Variants in TAFA2 observed in about 807,000 individuals in gnomAD.
The protein encoded by TAFA2 is chemokine-like protein TAFA-2.
Under a neutral mutation model 18.8 loss-of-function variants are expected in TAFA2, and 7 were observed. The observed-to-expected ratio is 0.37, with a 90% CI of 0.21 to 0.70. The LOEUF (loss-of-function observed/expected upper bound fraction) is 0.70, where lower values mean the gene tolerates loss of function less well. Among genes scored for constraint, TAFA2 ranks in the 30% least tolerant of loss-of-function variants. The pLI is 0.53. For synonymous variants in TAFA2, 60 were observed against 54.2 expected (o/e 1.11, Z -0.47); for missense variants, 122 against 158.1 (o/e 0.77, Z 1.23).
chr12:62,106,893 TTTA>T (rs1020021032), intron 1 of TAFA2, among the ~76,000 whole-genome samples: 1 of 152,116 alleles, frequency 6.6e-6, no homozygotes, highest in African/African-American at 2.4e-5. Flanking sequence ...GTACCTTTTT[TTTA>T]TTATTATTTC....
At chr12:62,195,088 C>T (rs995180139), upstream of TAFA2, among the ~76,000 whole-genome samples, 3 of 152,084 alleles carry the variant, frequency 2.0e-5, no homozygotes, top group African/African-American at 2.4e-5. Flanking sequence ...ATTGCTGTGG[C>T]GATTTCTTAA....
chr12:61,877,283 A>T, intron 1 of TAFA2, among the ~76,000 whole-genome samples: 1 of 152,092 alleles, frequency 6.6e-6, no homozygotes. Context: ...CATAATACAC[A>T]CTACTCTAAC....
Position 61,922,887 on chromosome 12 carries a change from C to T in TAFA2, c.-1-55461G>A, listed in dbSNP as rs1592488844. ...GCCAACACAGCAATCTGAAGTCAAC[C>T]TGGGACGCTCGAGCTTGGTGGGGAG... On this transcript the variant is annotated intron_variant, in intron 1 of 4. Coordinates refer to ENST00000416284, the MANE Select transcript of TAFA2 (RefSeq NM_178539.5). Among the ~76,000 whole-genome samples the T allele has an allele frequency of 3.9e-5, 6 of 152,264 alleles. 1 individual carries two copies. In the Middle Eastern group the frequency reaches 0.017, roughly 432 times the overall value.
At chr12:61,795,128 G>A (rs962053443) in intron 2 of TAFA2, among the ~76,000 whole-genome samples, 71 of 152,264 alleles carry the variant, frequency 4.7e-4, no homozygotes, top group Middle Eastern at 6.8e-3. Flanking sequence ...TTACACTGTT[G>A]GTGGGACTGT....
intron 1 of TAFA2, among the ~76,000 whole-genome samples, chr12:61,892,040 C>T (rs148138317): frequency 1.7e-4 from 26 of 150,698 alleles, no homozygotes; most frequent in African/African-American, 3.4e-4. Context: ...CTAGGATGCT[C>T]GGGCCACAGT....
chr12:61,978,230 CAA>C (rs1358695444), intron 1 of TAFA2, among the ~76,000 whole-genome samples: 1 of 151,838 alleles, frequency 6.6e-6, no homozygotes, highest in African/African-American at 2.4e-5. Flanking sequence ...GTAATTTGCT[CAA>C]TAAAATTAAT....
At chr12:61,839,149 G>T (rs190936813) in intron 2 of TAFA2, among the ~76,000 whole-genome samples, 87 of 152,190 alleles carry the variant, frequency 5.7e-4, no homozygotes, top group African/African-American at 2.0e-3. Context: ...TTACAGTCTG[G>T]TGAGGAAGAT....
Position 61,995,211 on chromosome 12 carries a change from A to G in TAFA2, c.-1-127785T>C, listed in dbSNP as rs190389930. 1.2e-4 allele frequency among the ~76,000 whole-genome samples: 18 copies of G among 152,236 alleles called. No individual in the cohort carries two copies. In the East Asian group the frequency reaches 3.1e-3, roughly 26 times the overall value. On this transcript the variant is annotated intron_variant, in intron 1 of 4. Coordinates refer to ENST00000416284, the MANE Select transcript of TAFA2 (RefSeq NM_178539.5). The stretch of plus-strand genomic sequence containing the variant: ...CTTATGCCACTGTCACTCCTAGCTC[A>G]TTATTCTTCAGACACAATAGTCTTT...
At chr12:61,966,672 C>T (rs1879079138) in intron 1 of TAFA2, among the ~76,000 whole-genome samples, 1 of 151,964 alleles carries the variant, frequency 6.6e-6, no homozygotes, top group African/African-American at 2.4e-5. Flanking sequence ...TCAATAAATA[C>T]TTATGCAATT....
chr12:61,951,835 T>A (rs556854670), intron 1 of TAFA2, among the ~76,000 whole-genome samples: 1 of 152,090 alleles, frequency 6.6e-6, no homozygotes, highest in Admixed American at 6.6e-5. Context: ...AACTGATTGA[T>A]CTTAATGTTT....
intron 2 of TAFA2, among the ~76,000 whole-genome samples, chr12:61,805,840 T>C (rs1322540601): frequency 6.6e-6 from 1 of 152,196 alleles, no homozygotes; most frequent in Non-Finnish European, 1.5e-5. Flanking sequence ...TGATAAGATT[T>C]CACCCTAAAT....
intron 1 of TAFA2, among the ~76,000 whole-genome samples, chr12:62,255,479 C>T (rs1009299868): frequency 5.9e-5 from 9 of 152,184 alleles, no homozygotes; most frequent in East Asian, 1.9e-4. Flanking sequence ...TCAGGACCTG[C>T]AGAATATACT....
chr12:62,063,787 AT>A (rs1287589744), intron 1 of TAFA2, among the ~76,000 whole-genome samples: 1 of 152,076 alleles, frequency 6.6e-6, no homozygotes, highest in African/African-American at 2.4e-5. Flanking sequence ...TGTTCATGAT[AT>A]AGATATTTCT....
chr12:61,991,619 C>T lies in TAFA2; in HGVS notation c.-1-124193G>A, dbSNP rs140395662. Among the ~76,000 whole-genome samples, 1,106 of 152,310 alleles carry T rather than the reference C, an allele frequency of 7.3e-3. 13 individuals carry two copies. The highest frequency in any genetic ancestry group is 0.025 in the African/African-American group (1,031 of 41,572). On this transcript the variant is annotated intron_variant, in intron 1 of 4. Transcript: ENST00000416284. ...TGGTTCTTTTCCATTAGCGTAAATA[C>T]ACACTAAATCTCCCATCTTTTTTAA... is the stretch of plus-strand genomic sequence containing the variant.
At chr12:62,164,174 A>G (rs1433735852) in intron 1 of TAFA2, among the ~76,000 whole-genome samples, 1 of 152,174 alleles carries the variant, frequency 6.6e-6, no homozygotes, top group Non-Finnish European at 1.5e-5. Flanking sequence ...GCTCTTCCTT[A>G]GAAGTTTTAG....
At chr12:61,908,392 T>G (rs1046234689) in intron 1 of TAFA2, among the ~76,000 whole-genome samples, 5 of 152,082 alleles carry the variant, frequency 3.3e-5, no homozygotes, top group Non-Finnish European at 5.9e-5. Context: ...TGTTGCCATG[T>G]AAGACAACAG....
intron 2 of TAFA2, among the ~76,000 whole-genome samples, chr12:61,778,933 A>C (rs1328369214): frequency 6.6e-6 from 1 of 151,904 alleles, no homozygotes; most frequent in Admixed American, 6.6e-5. Context: ...GACTAGTGGG[A>C]AAGGATACCT....
intron 1 of TAFA2, among the ~76,000 whole-genome samples, chr12:61,876,400 T>A (rs577355966): frequency 1.3e-5 from 2 of 152,304 alleles, no homozygotes; most frequent in Admixed American, 1.3e-4. Context: ...ACATTTATTC[T>A]CACCATAGTA....
At chr12:61,978,469 A>C (rs1455256757) in intron 1 of TAFA2, among the ~76,000 whole-genome samples, 1 of 152,076 alleles carries the variant, frequency 6.6e-6, no homozygotes, top group Non-Finnish European at 1.5e-5. Flanking sequence ...AGAGAGGAAC[A>C]GTTCCTACAT....
Sources: gnomAD v4.1 joint callset for allele counts (sites outside exome capture counted in the v4.1 genomes callset) on GRCh38, gnomAD v4.1.1 for gene constraint, MANE v1.5 for transcripts, NCBI Gene and HGNC (gene_info 2026-07-23, HGNC 2026-07-21) for gene names.